Variants in SCG3 observed in about 807,000 individuals in gnomAD.
SCG3 encodes the protein secretogranin-3.
Under a neutral mutation model 56.2 loss-of-function variants are expected in SCG3, and 38 were observed. The observed-to-expected ratio is 0.68, with a 90% CI of 0.52 to 0.89. The LOEUF is 0.89. Among genes scored for constraint, SCG3 ranks in the 40% least tolerant of loss-of-function variants. SCG3 has a pLI of 0.00. For missense variants in SCG3, 524 were observed against 540.7 expected (o/e 0.97, Z 0.31); for synonymous variants, 176 against 184.2 (o/e 0.96, Z 0.36).
At chr15:51,701,955 G>A in intron 10 of SCG3, among the ~76,000 whole-genome samples, 1 of 152,092 alleles carries the variant, frequency 6.6e-6, no homozygotes, top group Non-Finnish European at 1.5e-5. Flanking sequence ...GGATGGGGGA[G>A]GATTAGATTA....
At chr15:51,702,014 C>G (rs2055342788) in intron 10 of SCG3, among the ~76,000 whole-genome samples, 1 of 152,084 alleles carries the variant, frequency 6.6e-6, no homozygotes, top group African/African-American at 2.4e-5. Context: ...AGCACACCAG[C>G]ATGGCACATG....
chr15:51,709,643 G>A, intron 10 of SCG3, among the ~76,000 whole-genome samples: 1 of 93,476 alleles, frequency 1.1e-5, no homozygotes, highest in Non-Finnish European at 2.0e-5. Context: ...TAAAAAAAAA[G>A]GCAGAGATAA....
At chr15:51,684,882 A>G (rs2055218305) in intron 4 of SCG3, among the ~76,000 whole-genome samples, 1 of 152,366 alleles carries the variant, frequency 6.6e-6, no homozygotes, top group East Asian at 1.9e-4. Flanking sequence ...GAATGAACAA[A>G]TGAAATAATA....
chr15:51,681,603 C>A lies in SCG3; in HGVS notation c.-153C>A. 4.7e-6 allele frequency: 3 copies of A among 641,170 alleles called. No homozygotes were observed. The highest frequency in any genetic ancestry group is 5.6e-6 in the Non-Finnish European group (2 of 357,464). The allele number at this position is 641,170 out of a possible 1,614,324, so 39.7% of individuals were successfully genotyped here. A position where few individuals can be genotyped will look rare whatever the true frequency, so the allele number is the denominator to read the frequency against. On this transcript the variant is annotated 5_prime_UTR_variant, in exon 1 of 12. Coordinates refer to ENST00000220478, the MANE Select transcript of SCG3 (RefSeq NM_013243.4). Reference sequence around the variant, plus strand: ...TGCTTATCCCTTGACCGTCGAGTGTCAGAGATCCTGCAGCCGCCCAGTCCC... The same window carrying A: ...TGCTTATCCCTTGACCGTCGAGTGTAAGAGATCCTGCAGCCGCCCAGTCCC...
At chr15:51,706,885 T>C (rs1213730822) in intron 10 of SCG3, among the ~76,000 whole-genome samples, 1 of 152,178 alleles carries the variant, frequency 6.6e-6, no homozygotes, top group East Asian at 1.9e-4. Flanking sequence ...AAGTATAATA[T>C]TTTTAAATGT....
At chr15:51,687,893 A>T (rs1350382986) in intron 4 of SCG3, among the ~76,000 whole-genome samples, 1 of 152,236 alleles carries the variant, frequency 6.6e-6, no homozygotes, top group Non-Finnish European at 1.5e-5. Context: ...ATCATACAAT[A>T]TATAGAAGGG....
Position 51,719,631 on chromosome 15 carries a change from G to T in SCG3, c.*105G>T, listed in dbSNP as rs946183734. 4.1e-6 allele frequency: 3 copies of T among 730,968 alleles called. No individual in the cohort carries two copies. In the Admixed American group the frequency reaches 8.2e-5, roughly 20 times the overall value. 45.3% of individuals were successfully genotyped at this position (730,968 alleles called of 1,614,324 possible). On this transcript the variant is annotated 3_prime_UTR_variant, in exon 12 of 12. Transcript: ENST00000220478. ...AAATTTTTTGACCCAAGGGTTATTA[G>T]AAAGTGCTGAATTTACAGTAGTTAA...
rs756124813 is a variant in SCG3 at position 51,719,494 on chromosome 15, G to T, written c.1375G>T (p.Glu459Ter). ...AGGCATCCTTGACAAGGAAGAAGCCGAGGCCATCAAGCGCATTTATAGCAG... is the reference window on the plus strand; with the variant it reads ...AGGCATCCTTGACAAGGAAGAAGCCTAGGCCATCAAGCGCATTTATAGCAG... ...EKGILDKEEA[E>*]AIKRIYSSL is the part of the protein sequence containing the mutation. The change falls in exon 12 of 12, where the codon GAG (glutamate) becomes TAG (stop). Residue 459 changes from glutamate (E) to a stop codon, truncating the protein, a stop_gained. Coordinates refer to ENST00000220478, the MANE Select transcript of SCG3 (RefSeq NM_013243.4). LOFTEE classifies it high-confidence loss of function. The T allele has an allele frequency of 6.4e-5, 104 of 1,613,864 alleles. No individual in the cohort carries two copies. Among genetic ancestry groups the T allele is most frequent in the Non-Finnish European group, 8.1e-5 (95 of 1,179,886 alleles).
chr15:51,683,177 T>C (rs918423705), intron 3 of SCG3, 42 bp from the exon 4 acceptor site: 2 of 1,602,464 alleles, frequency 1.2e-6, no homozygotes, highest in Non-Finnish European at 1.7e-6. Flanking sequence ...TATGAGAATC[T>C]GAACTAAAAT....
At chr15:51,715,304 C>G (rs187502468) in intron 11 of SCG3, 64 of 152,328 alleles carry the variant, frequency 4.2e-4, no homozygotes, top group African/African-American at 1.5e-3. Flanking sequence ...AGCTCTTTCT[C>G]CACTGCTCTC....
In SCG3 at chr15:51,719,472, C is replaced by A; in HGVS notation, c.1353C>A (p.Gly451=). The part of the protein sequence containing the change: ...NKQADAYVEK[G]ILDKEEAEAI... ...AAGCTGATGCTTATGTGGAGAAAGG[C>A]ATCCTTGACAAGGAAGAAGCCGAGG... The change falls in exon 12 of 12, where the codon GGC becomes GGA. Residue 451 remains glycine, a synonymous_variant. Transcript: ENST00000220478. 6.2e-7 allele frequency: 1 copy of A among 1,614,078 alleles called. No individual in the cohort carries two copies. The highest frequency in any genetic ancestry group is 1.6e-4 in the Middle Eastern group (1 of 6,062).
chr15:51,707,762 T>C lies in SCG3; in HGVS notation c.1208-5571T>C, dbSNP rs550229148. Among the ~76,000 whole-genome samples the C allele has an allele frequency of 6.6e-5, 10 of 152,346 alleles. No individual in the cohort carries two copies. The South Asian group carries it at 2.1e-3, about 32-fold the overall frequency. On this transcript the variant is annotated intron_variant, in intron 10 of 11. Transcript: ENST00000220478. ...TGTCATCATTATGCAGAATCTTGAA[T>C]CTCACAGCTCCGTGGCCTGTGTCAG...
chr15:51,704,764 CATATAT>C (rs56192434), intron 10 of SCG3, among the ~76,000 whole-genome samples: 1,156 of 67,032 alleles, frequency 0.017, 67 homozygotes, highest in African/African-American at 0.031. Flanking sequence ...GTGAGTAATA[CATATAT>C]ATATATATAT....
chr15:51,686,962 C>T (rs2055233188), intron 4 of SCG3, among the ~76,000 whole-genome samples: 1 of 152,278 alleles, frequency 6.6e-6, no homozygotes, highest in Non-Finnish European at 1.5e-5. Context: ...GATAAATTCC[C>T]TGTCCAAATC....
At chr15:51,693,117 A>T (rs933040821) in intron 7 of SCG3, 2 of 152,158 alleles carry the variant, frequency 1.3e-5, no homozygotes, top group Admixed American at 1.3e-4. Flanking sequence ...GAGATTCTAC[A>T]TATAAGTGAG....
chr15:51,717,790 C>T (rs1367069717), intron 11 of SCG3, among the ~76,000 whole-genome samples: 1 of 152,112 alleles, frequency 6.6e-6, no homozygotes, highest in Non-Finnish European at 1.5e-5. Flanking sequence ...GCTCCTGAAC[C>T]CTGTCCTCTT....
intron 4 of SCG3, 37 bp downstream of exon 4, chr15:51,683,471 G>A: frequency 7.5e-7 from 1 of 1,331,082 alleles, no homozygotes. Flanking sequence ...TTAACGTGGA[G>A]TTTCCTATAA....
chr15:51,697,707 TAA>T (rs1405931429), intron 8 of SCG3, among the ~76,000 whole-genome samples: 1 of 152,140 alleles, frequency 6.6e-6, no homozygotes, highest in Non-Finnish European at 1.5e-5. Context: ...AATTTTATTC[TAA>T]GTGTTTGTGT....
At chr15:51,701,676 C>A (rs1336601331) in intron 10 of SCG3, among the ~76,000 whole-genome samples, 1 of 152,180 alleles carries the variant, frequency 6.6e-6, no homozygotes, top group Non-Finnish European at 1.5e-5. Context: ...GCAGTCCCAG[C>A]AGTTTGGATT....
Sources: gnomAD v4.1 joint callset for allele counts (sites outside exome capture counted in the v4.1 genomes callset) on GRCh38, gnomAD v4.1.1 for gene constraint, MANE v1.5 for transcripts, NCBI Gene and HGNC (gene_info 2026-07-23, HGNC 2026-07-21) for gene names.